The following GALNTL6 variants were observed in gnomAD, a reference collection of about 807,000 sequenced individuals.
GALNTL6 encodes polypeptide N-acetylgalactosaminyltransferase-like 6.
In GALNTL6, 46 loss-of-function variants were observed where a neutral mutation model predicts 73.7. The observed-to-expected ratio is 0.62, with a 90% CI of 0.49 to 0.80. The LOEUF (loss-of-function observed/expected upper bound fraction) is 0.80. Among genes scored for constraint, GALNTL6 ranks in the 30% least tolerant of loss-of-function variants. The probability of loss-of-function intolerance (pLI) is 0.00; values close to 1 mark genes in which losing one functional copy is unlikely to be tolerated. For missense variants in GALNTL6, 604 were observed against 755.0 expected (o/e 0.80, Z 2.34); for synonymous variants, 259 against 263.7 (o/e 0.98, Z 0.17).
At chr4:172,385,348 T>G (rs1743428336) in intron 5 of GALNTL6, among the ~76,000 whole-genome samples, 1 of 152,094 alleles carries the variant, frequency 6.6e-6, no homozygotes. Context: ...GCCTAGTTGT[T>G]CTATTCATTG....
intron 2 of GALNTL6, among the ~76,000 whole-genome samples, chr4:172,218,172 T>A (rs1435161036): frequency 6.6e-6 from 1 of 152,128 alleles, no homozygotes; most frequent in South Asian, 2.1e-4. Context: ...TTCCTCTCTT[T>A]GCCCATCCCA....
intron 2 of GALNTL6, among the ~76,000 whole-genome samples, chr4:171,993,405 C>A (rs796203903): frequency 6.6e-6 from 1 of 152,084 alleles, no homozygotes; most frequent in Non-Finnish European, 1.5e-5. Context: ...GTATGGAGAA[C>A]TTCCTGCCAG....
intron 5 of GALNTL6, among the ~76,000 whole-genome samples, chr4:172,787,799 T>C (rs1193213168): frequency 2.6e-5 from 4 of 152,174 alleles, no homozygotes; most frequent in Non-Finnish European, 4.4e-5. Context: ...AGAAGTGGCA[T>C]GTTCGGTGAG....
At chr4:172,360,509 G>C (rs1306047712) in intron 5 of GALNTL6, among the ~76,000 whole-genome samples, 1 of 152,022 alleles carries the variant, frequency 6.6e-6, no homozygotes, top group Non-Finnish European at 1.5e-5. Flanking sequence ...TAATTTCTAG[G>C]GTACAGATAA....
intron 5 of GALNTL6, among the ~76,000 whole-genome samples, chr4:172,463,530 G>C (rs1019724165): frequency 6.6e-6 from 1 of 152,144 alleles, no homozygotes; most frequent in African/African-American, 2.4e-5. Flanking sequence ...ATCTCTTCAT[G>C]TATTCACCTG....
chr4:172,075,586 C>T (rs754351014), intron 2 of GALNTL6, among the ~76,000 whole-genome samples: 2 of 152,116 alleles, frequency 1.3e-5, no homozygotes, highest in African/African-American at 4.8e-5. Context: ...CTGCCCGCCT[C>T]GGCCTCCCAA....
chr4:172,341,971 A>C (rs1278781429), intron 4 of GALNTL6, among the ~76,000 whole-genome samples: 5 of 152,186 alleles, frequency 3.3e-5, no homozygotes, highest in Non-Finnish European at 7.3e-5. Flanking sequence ...AATAGCAAAA[A>C]TCTGTATTAT....
chr4:172,482,801 C>T (rs1043859665), intron 5 of GALNTL6, among the ~76,000 whole-genome samples: 3 of 152,146 alleles, frequency 2.0e-5, no homozygotes, highest in Non-Finnish European at 4.4e-5. Context: ...GAATGTCGTC[C>T]TAATCATTAC....
intron 5 of GALNTL6, among the ~76,000 whole-genome samples, chr4:172,522,665 T>TC (rs70944411): frequency 4.9e-4 from 29 of 59,396 alleles, no homozygotes; most frequent in African/African-American, 1.8e-3. Flanking sequence ...TGAAACTCAG[T>TC]CCCCCCCCCC....
At chr4:173,035,324 A>G (rs1016283735) in intron 12 of GALNTL6, among the ~76,000 whole-genome samples, 2 of 152,124 alleles carry the variant, frequency 1.3e-5, no homozygotes, top group African/African-American at 2.4e-5. Flanking sequence ...GATTACAGGC[A>G]TGTACCACCA....
At chr4:172,965,571 G>T (rs1271195847) in intron 10 of GALNTL6, among the ~76,000 whole-genome samples, 1 of 150,532 alleles carries the variant, frequency 6.6e-6, no homozygotes, top group Non-Finnish European at 1.5e-5. Flanking sequence ...GACAGAGTGA[G>T]ACTCTGTCTC....
chr4:171,850,066 A>G (rs996498926), intron 2 of GALNTL6, among the ~76,000 whole-genome samples: 1 of 152,156 alleles, frequency 6.6e-6, no homozygotes, highest in African/African-American at 2.4e-5. Flanking sequence ...CCCGGTTTCA[A>G]GCGATTCTCT....
At chr4:172,439,370 T>C (rs1201586606) in intron 5 of GALNTL6, among the ~76,000 whole-genome samples, 1 of 152,056 alleles carries the variant, frequency 6.6e-6, no homozygotes, top group Non-Finnish European at 1.5e-5. Flanking sequence ...AAGCAGCATT[T>C]GATACAGATT....
chr4:172,008,303 T>G (rs142985986), intron 2 of GALNTL6, among the ~76,000 whole-genome samples: 35 of 152,284 alleles, frequency 2.3e-4, no homozygotes, highest in Non-Finnish European at 4.1e-4. Flanking sequence ...AGTCTCTGTA[T>G]GTTTTTGCAT....
chr4:172,983,217 G>A (rs1276277069), intron 10 of GALNTL6, among the ~76,000 whole-genome samples: 1 of 152,158 alleles, frequency 6.6e-6, no homozygotes, highest in African/African-American at 2.4e-5. Context: ...AGGAATGCTG[G>A]CAGCCACCAG....
intron 5 of GALNTL6, among the ~76,000 whole-genome samples, chr4:172,647,715 A>C (rs1256014653): frequency 6.6e-6 from 1 of 152,174 alleles, no homozygotes; most frequent in East Asian, 1.9e-4. Flanking sequence ...TACATAAAAA[A>C]GTTATCCCAA....
At chr4:173,018,440 A>G (rs971580057) in intron 11 of GALNTL6, among the ~76,000 whole-genome samples, 4 of 152,246 alleles carry the variant, frequency 2.6e-5, no homozygotes, top group Non-Finnish European at 5.9e-5. Context: ...TTGAGGATCT[A>G]TTGTGTGTCA....
At chr4:171,984,481 TG>T (rs957884081) in intron 2 of GALNTL6, among the ~76,000 whole-genome samples, 6 of 152,066 alleles carry the variant, frequency 3.9e-5, no homozygotes, top group African/African-American at 1.4e-4. Flanking sequence ...GTTGTAGAGG[TG>T]GCCCAAAACT....
intron 2 of GALNTL6, among the ~76,000 whole-genome samples, chr4:171,847,912 G>A (rs1735417602): frequency 6.6e-6 from 1 of 152,048 alleles, no homozygotes; most frequent in Non-Finnish European, 1.5e-5. Flanking sequence ...CTATTAATAT[G>A]ACATTACCTT....
Sources: gnomAD v4.1 joint callset for allele counts (sites outside exome capture counted in the v4.1 genomes callset) on GRCh38, gnomAD v4.1.1 for gene constraint, MANE v1.5 for transcripts, NCBI Gene and HGNC (gene_info 2026-07-23, HGNC 2026-07-21) for gene names.